Variants in USH2A observed in about 807,000 individuals in gnomAD.
The protein encoded by USH2A is usherin.
In USH2A, 443 loss-of-function variants were observed where a neutral mutation model predicts 538.9. The ratio of observed to expected loss-of-function variants is 0.82; its 90% CI spans 0.76 to 0.89. USH2A has a LOEUF of 0.89. USH2A is among the 40% of genes least tolerant of loss of function. The pLI is 0.00. For synonymous variants in USH2A, 2,413 were observed against 2,273.5 expected (o/e 1.06, Z -1.75); for missense variants, 6,633 against 6,324.8 (o/e 1.05, Z -1.65).
chr1:216,032,949 T>G (rs560248499), intron 32 of USH2A, among the ~76,000 whole-genome samples: 1 of 152,286 alleles, frequency 6.6e-6, no homozygotes, highest in Admixed American at 6.5e-5. Context: ...AAGCCCTAAT[T>G]ACGAACCCAA....
chr1:215,923,718 A>G (rs1666160589), intron 38 of USH2A, among the ~76,000 whole-genome samples: 1 of 152,080 alleles, frequency 6.6e-6, no homozygotes, highest in Non-Finnish European at 1.5e-5. Flanking sequence ...GTGCAAAAAT[A>G]GCCCCAGGCC....
chr1:215,754,704 G>C lies in USH2A; in HGVS notation c.11389+3891C>G, dbSNP rs576023233. On this transcript the variant is annotated intron_variant, in intron 58 of 71. Transcript: ENST00000307340. Reference sequence around the variant, plus strand: ...AAATAATTGCAAAGATCCCAAGAAAGTTTTTGAATTTATGTTGGGTGGCAT... The same window carrying C: ...AAATAATTGCAAAGATCCCAAGAAACTTTTTGAATTTATGTTGGGTGGCAT... 1.1e-3 allele frequency among the ~76,000 whole-genome samples: 162 copies of C among 152,252 alleles called. 1 individual carries two copies. The highest frequency in any genetic ancestry group is 1.6e-3 in the Non-Finnish European group (108 of 68,022).
intron 11 of USH2A, among the ~76,000 whole-genome samples, chr1:216,269,578 A>G (rs923130558): frequency 6.6e-6 from 1 of 152,156 alleles, no homozygotes. Flanking sequence ...AAATATAATA[A>G]TAGTAACAGG....
At chr1:216,178,170 A>C (rs889747105) in intron 20 of USH2A, among the ~76,000 whole-genome samples, 1 of 152,214 alleles carries the variant, frequency 6.6e-6, no homozygotes, top group African/African-American at 2.4e-5. Context: ...TTAGTAAAAA[A>C]GAAAAGGCAC....
rs778607993 is a variant in USH2A at position 215,867,063 on chromosome 1, T to C, written c.8789A>G (p.Asn2930Ser). The C allele has an allele frequency of 2.2e-5, 36 of 1,614,166 alleles. No homozygotes were observed. The highest frequency in any genetic ancestry group is 8.3e-5 in the Admixed American group (5 of 60,018). ...TLAGLPERGA[N>S]LTASVLNHTA... is the part of the protein sequence containing the mutation. ...GTGGTTAAGGACACTCGCAGTGAGATTGGCTCCTCTCTCTGGAAGACCAGC... is the reference window on the plus strand; with the variant it reads ...GTGGTTAAGGACACTCGCAGTGAGACTGGCTCCTCTCTCTGGAAGACCAGC... Residue 2930 changes from asparagine (N) to serine (S), a missense_variant, in exon 44 of 72, where the codon AAT becomes AGT. Transcript: ENST00000307340.
At chr1:215,813,480 C>T (rs1662760402) in intron 49 of USH2A, among the ~76,000 whole-genome samples, 1 of 152,136 alleles carries the variant, frequency 6.6e-6, no homozygotes, top group Non-Finnish European at 1.5e-5. Context: ...AAGGAGTTAG[C>T]CAGATCTCCA....
chr1:216,412,388 A>C (rs1477519724), intron 3 of USH2A, among the ~76,000 whole-genome samples: 2 of 152,086 alleles, frequency 1.3e-5, no homozygotes, highest in Non-Finnish European at 2.9e-5. Flanking sequence ...TATTGTAATA[A>C]GGGTTGATTC....
intron 47 of USH2A, among the ~76,000 whole-genome samples, chr1:215,830,259 A>C (rs1322404081): frequency 1.3e-5 from 2 of 151,610 alleles, no homozygotes; most frequent in Non-Finnish European, 2.9e-5. Flanking sequence ...TATAGGGAAA[A>C]CCCCCATTTT....
chr1:215,894,948 T>C (rs1333909516), intron 40 of USH2A, among the ~76,000 whole-genome samples: 1 of 152,194 alleles, frequency 6.6e-6, no homozygotes, highest in Non-Finnish European at 1.5e-5. Context: ...TCATTTCCAA[T>C]TCCTCTCCTG....
chr1:216,046,378 T>A, intron 32 of USH2A, 53 bp downstream of exon 32: 1 of 1,607,686 alleles, frequency 6.2e-7, no homozygotes, highest in Non-Finnish European at 8.5e-7. Context: ...TATATGTATG[T>A]TTATATTTGA....
intron 11 of USH2A, among the ~76,000 whole-genome samples, chr1:216,274,184 C>T (rs1239355111): frequency 6.6e-6 from 1 of 152,042 alleles, no homozygotes; most frequent in East Asian, 1.9e-4. Context: ...TCATGCATCT[C>T]ATCAAATTGT....
intron 21 of USH2A, among the ~76,000 whole-genome samples, chr1:216,147,522 C>T (rs1338066265): frequency 6.6e-6 from 1 of 152,140 alleles, no homozygotes; most frequent in Non-Finnish European, 1.5e-5. Context: ...CACTGAGACA[C>T]TTTACAGCCC....
chr1:215,772,033 C>T (rs1661306264), intron 55 of USH2A, among the ~76,000 whole-genome samples: 1 of 152,214 alleles, frequency 6.6e-6, no homozygotes, highest in South Asian at 2.1e-4. Context: ...AGATGATTTA[C>T]ATGAACCTGA....
At chr1:215,923,613 A>G (rs945439883) in intron 38 of USH2A, among the ~76,000 whole-genome samples, 1 of 152,040 alleles carries the variant, frequency 6.6e-6, no homozygotes, top group African/African-American at 2.4e-5. Context: ...AACTTCACAC[A>G]CAGCGCATGT....
At chr1:215,696,067 C>T (rs1014571355) in intron 61 of USH2A, among the ~76,000 whole-genome samples, 1 of 151,976 alleles carries the variant, frequency 6.6e-6, no homozygotes, top group Non-Finnish European at 1.5e-5. Flanking sequence ...GCTTTTGACT[C>T]CCCCGGAACT....
Position 216,414,506 on chromosome 1 carries a change from TA to T in USH2A, c.651+4007del, listed in dbSNP as rs1197222035. On this transcript the variant is annotated intron_variant, in intron 3 of 71. Coordinates refer to ENST00000307340, the MANE Select transcript of USH2A (RefSeq NM_206933.4). ...CTTTTCCCCCAGATATTTAATTATT[TA>T]AAATAATTTTTTTTCTGATTTTGGT... 6.6e-5 allele frequency among the ~76,000 whole-genome samples: 10 copies of T among 152,220 alleles called. No individual in the cohort carries two copies. The East Asian group carries it at 1.9e-3, about 29-fold the overall frequency.
At chr1:216,002,200 G>GA (rs1288168172) in intron 32 of USH2A, among the ~76,000 whole-genome samples, 4 of 152,124 alleles carry the variant, frequency 2.6e-5, no homozygotes, top group Non-Finnish European at 5.9e-5. Flanking sequence ...AGATGCTACC[G>GA]AGAGAGTAGA....
At chr1:215,671,384 A>G in intron 63 of USH2A, 91 bp from the exon 64 acceptor site, 1 of 1,243,602 alleles carries the variant, frequency 8.0e-7, no homozygotes, top group Non-Finnish European at 1.1e-6. Flanking sequence ...AAAAAAAAAG[A>G]CAAGCTTACA....
intron 34 of USH2A, among the ~76,000 whole-genome samples, chr1:215,994,515 C>A (rs1243493760): frequency 6.7e-6 from 1 of 149,470 alleles, no homozygotes; most frequent in Admixed American, 6.6e-5. Flanking sequence ...CTTGCTATTA[C>A]AAGACTATAG....
Sources: allele counts gnomAD v4.1 joint callset (sites outside exome capture counted in the v4.1 genomes callset), GRCh38; gene constraint gnomAD v4.1.1; transcripts MANE v1.5; gene names NCBI Gene and HGNC (gene_info 2026-07-23, HGNC 2026-07-21).